The following KLF8 variants were observed in gnomAD, a reference collection of about 807,000 sequenced individuals.
KLF8 encodes Krueppel-like factor 8.
A neutral mutation model predicts 18.2 loss-of-function variants in KLF8; 10 were observed. The observed-to-expected ratio is 0.55, with a 90% CI of 0.34 to 0.93. The LOEUF is 0.93. Ranked by LOEUF, KLF8 falls within the 40% of genes least tolerant of loss-of-function variation. The probability of loss-of-function intolerance (pLI) is 0.02; values close to 1 mark genes in which losing one functional copy is unlikely to be tolerated. For synonymous variants in KLF8, 109 were observed against 97.3 expected (o/e 1.12, Z -0.71); for missense variants, 264 against 277.9 (o/e 0.95, Z 0.36).
the KLF8 span, among the ~76,000 whole-genome samples, chrX:56,121,733 C>T: frequency 6.8e-3 from 768 of 112,161 alleles, 32 homozygotes; most frequent in Admixed American, 0.066. Flanking sequence ...GCCACAGTAC[C>T]TATGTAAGTT....
chrX:56,143,454 C>G, the KLF8 span, among the ~76,000 whole-genome samples: 18 of 112,089 alleles, frequency 1.6e-4, no homozygotes, highest in Non-Finnish European at 2.3e-4. Flanking sequence ...AACACAAGGA[C>G]AGGGATTTAT....
chrX:56,008,118 C>CTATATATA, the KLF8 span, among the ~76,000 whole-genome samples: 575 of 99,801 alleles, frequency 5.8e-3, 8 homozygotes, highest in African/African-American at 0.02. Flanking sequence ...TAGTGCAAAG[C>CTATATATA]TATATATATA....
At chrX:56,231,258 G>A (rs2066398985), upstream of KLF8, among the ~76,000 whole-genome samples, 1 of 111,794 alleles carries the variant, frequency 8.9e-6, no homozygotes. Flanking sequence ...GTGTTTTGGG[G>A]AAAGGAAGGT....
chrX:56,147,435 A>G, the KLF8 span, among the ~76,000 whole-genome samples: 1 of 112,076 alleles, frequency 8.9e-6, no homozygotes, highest in African/African-American at 3.2e-5. Context: ...AAGAAATCTG[A>G]TGGGATTTGT....
chrX:56,002,417 ATGTGTGTGTGTGTGTG>A, the KLF8 span, among the ~76,000 whole-genome samples: 3 of 92,655 alleles, frequency 3.2e-5, no homozygotes, highest in African/African-American at 1.4e-4. Flanking sequence ...ATTTGTGTGT[ATGTGTGTGTGTGTGTG>A]TGTGTGTGTG....
At chrX:56,264,058 G>A (rs892456613) in intron 2 of KLF8, among the ~76,000 whole-genome samples, 2 of 111,521 alleles carry the variant, frequency 1.8e-5, no homozygotes, top group African/African-American at 6.5e-5. Context: ...CATGCTGATA[G>A]ATAATGGAAG....
chrX:56,046,676 T>A, the KLF8 span, among the ~76,000 whole-genome samples: 1 of 111,382 alleles, frequency 9.0e-6, no homozygotes, highest in Admixed American at 9.6e-5. Flanking sequence ...TCTTTCCTAA[T>A]TATTTTGTTT....
At chrX:56,061,847 G>A in the KLF8 span, among the ~76,000 whole-genome samples, 9,919 of 110,432 alleles carry the variant, frequency 0.09, 1,094 homozygotes, top group African/African-American at 0.32. Context: ...GGGTGCCCCT[G>A]TATTGGGTGC....
the KLF8 span, among the ~76,000 whole-genome samples, chrX:56,202,763 C>CT: frequency 1.8e-5 from 2 of 111,114 alleles, no homozygotes; most frequent in Admixed American, 1.9e-4. Context: ...GAATATCATT[C>CT]TTTTTGTGGC....
At chrX:56,019,913 T>C in the KLF8 span, among the ~76,000 whole-genome samples, 1 of 111,594 alleles carries the variant, frequency 9.0e-6, no homozygotes, top group East Asian at 2.8e-4. Context: ...TGTGAGGCCA[T>C]TTTCCTCTAC....
the KLF8 span, among the ~76,000 whole-genome samples, chrX:56,054,906 G>A: frequency 3.6e-5 from 4 of 111,623 alleles, no homozygotes; most frequent in Non-Finnish European, 5.7e-5. Context: ...ATTACATTTT[G>A]TGCTTTCTTT....
the KLF8 span, among the ~76,000 whole-genome samples, chrX:55,915,855 A>C: frequency 8.9e-6 from 1 of 112,027 alleles, no homozygotes; most frequent in Non-Finnish European, 1.9e-5. Context: ...TTAGGAGTGG[A>C]CTGGGTTTTG....
the KLF8 span, among the ~76,000 whole-genome samples, chrX:56,062,822 T>C: frequency 2.7e-5 from 3 of 111,425 alleles, no homozygotes; most frequent in African/African-American, 6.5e-5. Context: ...GATTTGGTCT[T>C]TTCACACAGT....
At chrX:55,963,141 T>C in the KLF8 span, among the ~76,000 whole-genome samples, 2 of 112,320 alleles carry the variant, frequency 1.8e-5, no homozygotes, top group Admixed American at 1.9e-4. Flanking sequence ...CATTCCATTC[T>C]ACTGCTTGAT....
the KLF8 span, among the ~76,000 whole-genome samples, chrX:55,949,333 CTGTGTGTGTGTGTGTGTGTGTGTGTG>C: frequency 2.3e-5 from 2 of 88,170 alleles, no homozygotes; most frequent in African/African-American, 7.3e-5. Flanking sequence ...TTTTCATATG[CTGTGTGTGTGTGTGTGTGTGTGTGTG>C]TGTGTGTGTG....
chrX:55,978,485 C>CT, the KLF8 span, among the ~76,000 whole-genome samples: 3 of 111,836 alleles, frequency 2.7e-5, no homozygotes, highest in Non-Finnish European at 3.8e-5. Flanking sequence ...TTTCTGATTT[C>CT]TTTTTTTGTT....
At chrX:55,974,971 G>A in the KLF8 span, among the ~76,000 whole-genome samples, 9,633 of 111,421 alleles carry the variant, frequency 0.086, 993 homozygotes, top group African/African-American at 0.3. Flanking sequence ...TCATTTCTTC[G>A]GTTGGATTAA....
chrX:56,150,693 G>T, the KLF8 span, among the ~76,000 whole-genome samples: 2 of 110,003 alleles, frequency 1.8e-5, no homozygotes, highest in African/African-American at 3.3e-5. Context: ...CCTATCCCTG[G>T]GCTACTCTCA....
At chrX:56,094,802 C>T in the KLF8 span, among the ~76,000 whole-genome samples, 14,363 of 110,397 alleles carry the variant, frequency 0.13, 1,707 homozygotes, top group African/African-American at 0.38. Context: ...AGAATGATAG[C>T]TAGAAAGCCC....
Sources: allele counts gnomAD v4.1 joint callset (sites outside exome capture counted in the v4.1 genomes callset), GRCh38; gene constraint gnomAD v4.1.1; transcripts MANE v1.5; gene names NCBI Gene and HGNC (gene_info 2026-07-23, HGNC 2026-07-21).